The following IMMP2L variants were observed in gnomAD, a reference collection of about 807,000 sequenced individuals.
IMMP2L encodes mitochondrial inner membrane protease subunit 2.
A neutral mutation model predicts 19.3 loss-of-function variants in IMMP2L; 18 were observed. That is an observed-to-expected ratio of 0.93 (90% CI 0.64 to 1.38). The LOEUF (loss-of-function observed/expected upper bound fraction) is 1.38. Among genes scored for constraint, IMMP2L ranks in the 40% most tolerant of loss-of-function variants. The pLI, the probability that IMMP2L is intolerant of heterozygous loss-of-function variation, is 0.00. For missense variants in IMMP2L, 233 were observed against 218.2 expected, an observed-to-expected ratio of 1.07 and a Z score of -0.43; for synonymous variants, 76 against 73.0, an observed-to-expected ratio of 1.04 and a Z score of -0.21.
chr7:111,055,253 G>A (rs1460795692), intron 3 of IMMP2L, among the ~76,000 whole-genome samples: 1 of 151,968 alleles, frequency 6.6e-6, no homozygotes, highest in East Asian at 1.9e-4. Context: ...TCACCAGGCT[G>A]GTCTCAAACT....
chr7:111,418,284 T>G (rs1187578825), intron 3 of IMMP2L, among the ~76,000 whole-genome samples: 1 of 151,804 alleles, frequency 6.6e-6, no homozygotes, highest in Admixed American at 6.6e-5. Flanking sequence ...GTCTGCCTCC[T>G]TTCAGGTCCC....
At chr7:111,190,496 G>C (rs1020563656) in intron 3 of IMMP2L, among the ~76,000 whole-genome samples, 1 of 152,022 alleles carries the variant, frequency 6.6e-6, no homozygotes, top group African/African-American at 2.4e-5. Context: ...ACAAAATTAA[G>C]AGAAATATTT....
rs1796049062 is a variant in IMMP2L, at chr7:110,728,532, A to G, written c.409-64811T>C. ...AAATAAAATAAAATAAAATAACAAT[A>G]TTAAAGGCCCCTTTTGACCCACCTT... On this transcript the variant is annotated intron_variant, in intron 5 of 5. Coordinates refer to ENST00000405709, the MANE Select transcript of IMMP2L (RefSeq NM_032549.4). The surrounding 1 kb of genome is among the most constrained non-coding windows in gnomAD (Gnocchi z 4.6). Among the ~76,000 whole-genome samples the G allele has an allele frequency of 6.6e-6, 1 of 152,136 alleles. No homozygotes were observed. Among genetic ancestry groups the G allele is most frequent in the African/African-American group, 2.4e-5 (1 of 41,446 alleles).
chr7:111,494,733 T>C (rs1325878516), intron 2 of IMMP2L, among the ~76,000 whole-genome samples: 1 of 152,070 alleles, frequency 6.6e-6, no homozygotes, highest in Non-Finnish European at 1.5e-5. Context: ...TACAAAACAT[T>C]ACAGTCATGA....
At chr7:111,397,036 T>A (rs919180327) in intron 3 of IMMP2L, among the ~76,000 whole-genome samples, 1 of 151,688 alleles carries the variant, frequency 6.6e-6, no homozygotes, top group African/African-American at 2.4e-5. Context: ...TGCAGTGAGC[T>A]GAGATCGCGC....
chr7:110,882,401 A>C (rs1809780041), intron 5 of IMMP2L, among the ~76,000 whole-genome samples: 1 of 139,040 alleles, frequency 7.2e-6, no homozygotes, highest in African/African-American at 2.7e-5. Context: ...TTCTTTCTTG[A>C]CAGAGTTTCT....
At chr7:111,234,612 T>A (rs560720701) in intron 3 of IMMP2L, among the ~76,000 whole-genome samples, 1 of 152,110 alleles carries the variant, frequency 6.6e-6, no homozygotes, top group Admixed American at 6.6e-5. Context: ...TGTTTTCTAC[T>A]GCTTTTATCT....
intron 5 of IMMP2L, among the ~76,000 whole-genome samples, chr7:110,835,148 G>T (rs12532033): frequency 0.4 from 61,425 of 151,912 alleles, 12,666 homozygotes; most frequent in African/African-American, 0.47. Context: ...CTCAGAGCAG[G>T]AAAAAATGTT....
intron 5 of IMMP2L, among the ~76,000 whole-genome samples, chr7:110,720,429 C>A (rs1328989626): frequency 6.6e-6 from 1 of 152,106 alleles, no homozygotes; most frequent in Non-Finnish European, 1.5e-5. Flanking sequence ...AAGGGATGAG[C>A]TGAAGCAACA....
chr7:110,995,262 C>G (rs1822910422), intron 3 of IMMP2L, among the ~76,000 whole-genome samples: 1 of 152,100 alleles, frequency 6.6e-6, no homozygotes, highest in Admixed American at 6.6e-5. Flanking sequence ...GGGAAACTTA[C>G]AATGGATCAG....
At chr7:111,202,978 C>G (rs1032531985) in intron 3 of IMMP2L, among the ~76,000 whole-genome samples, 2 of 152,106 alleles carry the variant, frequency 1.3e-5, no homozygotes, top group Non-Finnish European at 2.9e-5. Context: ...AAACTATAAA[C>G]ATTAATGGTT....
At chr7:110,944,472 C>T (rs189691362) in intron 4 of IMMP2L, among the ~76,000 whole-genome samples, 33 of 151,132 alleles carry the variant, frequency 2.2e-4, no homozygotes, top group African/African-American at 5.6e-4. Context: ...TGCGCGCGCA[C>T]GTGTGTGTGT....
chr7:110,979,386 C>G lies in IMMP2L; in HGVS notation c.240-15821G>C, dbSNP rs551628841. ...TATCTTTTCTCATTGTTTTCTAACT[C>G]TACACATTTTTAAACAATAGAATTA... On this transcript the variant is annotated intron_variant, in intron 3 of 5. Transcript: ENST00000405709. Among the ~76,000 whole-genome samples, 4 of 152,134 alleles carry G rather than the reference C, an allele frequency of 2.6e-5. No individual in the cohort carries two copies. In the South Asian group the frequency reaches 8.3e-4, roughly 32 times the overall value.
At chr7:111,080,345 T>TA (rs1193949893) in intron 3 of IMMP2L, among the ~76,000 whole-genome samples, 3 of 152,096 alleles carry the variant, frequency 2.0e-5, no homozygotes, top group South Asian at 4.1e-4. Flanking sequence ...CAAGGGCTGT[T>TA]AGATTTGACT....
At chr7:110,756,971 C>T (rs915147091) in intron 5 of IMMP2L, among the ~76,000 whole-genome samples, 21 of 152,042 alleles carry the variant, frequency 1.4e-4, no homozygotes, top group Admixed American at 4.6e-4. Context: ...TGTATTTATA[C>T]ATATTTATTG....
At chr7:111,362,280 T>C (rs1829334393) in intron 3 of IMMP2L, among the ~76,000 whole-genome samples, 1 of 152,060 alleles carries the variant, frequency 6.6e-6, no homozygotes, top group Non-Finnish European at 1.5e-5. Flanking sequence ...CTATCATACT[T>C]CTCTTCAATA....
At chr7:111,560,650 T>C (rs1292122336) in intron 1 of IMMP2L, among the ~76,000 whole-genome samples, 1 of 152,182 alleles carries the variant, frequency 6.6e-6, no homozygotes, top group African/African-American at 2.4e-5. Context: ...AATTAACATG[T>C]AACTATTGAG....
At chr7:111,033,480 A>G (rs1791037506) in intron 3 of IMMP2L, among the ~76,000 whole-genome samples, 1 of 152,202 alleles carries the variant, frequency 6.6e-6, no homozygotes, top group South Asian at 2.1e-4. Flanking sequence ...TTATTTATTC[A>G]AATAAGTTAA....
At chr7:110,719,176 A>G (rs1402063739) in intron 5 of IMMP2L, among the ~76,000 whole-genome samples, 4 of 152,198 alleles carry the variant, frequency 2.6e-5, no homozygotes, top group Admixed American at 2.6e-4. Context: ...CAAACACTGG[A>G]CTGAACATGA....
Sources: allele counts gnomAD v4.1 joint callset (sites outside exome capture counted in the v4.1 genomes callset), GRCh38; gene constraint gnomAD v4.1.1; non-coding constraint Gnocchi (gnomAD v3.1); transcripts MANE v1.5; gene names NCBI Gene and HGNC (gene_info 2026-07-23, HGNC 2026-07-21).